GRM3: variants seen among roughly 807,000 people sequenced by gnomAD.
GRM3 encodes the protein metabotropic glutamate receptor 3.
A neutral mutation model predicts 70.5 loss-of-function variants in GRM3; 26 were observed. The ratio of observed to expected loss-of-function variants is 0.37; its 90% CI spans 0.27 to 0.51. The LOEUF is 0.51. GRM3 is among the 20% of genes least tolerant of loss of function. GRM3 has a pLI of 0.93. For missense variants in GRM3, 859 were observed against 1,123.8 expected (o/e 0.76, Z 3.37); for synonymous variants, 443 against 434.9 (o/e 1.02, Z -0.23).
At chr7:86,789,009 C>A (rs1797340244) in intron 3 of GRM3, among the ~76,000 whole-genome samples, 1 of 152,002 alleles carries the variant, frequency 6.6e-6, no homozygotes, top group Non-Finnish European at 1.5e-5. Context: ...TCTTAAAAGG[C>A]AAAGAAAAGT....
intron 1 of GRM3, among the ~76,000 whole-genome samples, chr7:86,727,035 G>T (rs780848497): frequency 2.8e-4 from 43 of 152,274 alleles, no homozygotes; most frequent in Non-Finnish European, 4.9e-4. Context: ...TACAGATTAG[G>T]AGACAATTCA....
At chr7:86,836,281 C>A (rs1416407518) in intron 3 of GRM3, among the ~76,000 whole-genome samples, 1 of 152,090 alleles carries the variant, frequency 6.6e-6, no homozygotes, top group East Asian at 1.9e-4. Flanking sequence ...AACAGTTTTT[C>A]TTCTATGAAT....
intron 1 of GRM3, among the ~76,000 whole-genome samples, chr7:86,735,176 T>G (rs527989913): frequency 1.3e-5 from 2 of 152,192 alleles, no homozygotes; most frequent in Admixed American, 6.5e-5. Context: ...ATGTGGTTAA[T>G]GATGACAGGA....
intron 1 of GRM3, among the ~76,000 whole-genome samples, chr7:86,647,387 T>C (rs545503383): frequency 8.2e-4 from 125 of 152,272 alleles, no homozygotes; most frequent in Middle Eastern, 3.4e-3. Flanking sequence ...AATTTTCCAA[T>C]TGTTTTCCTG....
At chr7:86,744,379 C>T (rs959905914) in intron 1 of GRM3, among the ~76,000 whole-genome samples, 7 of 151,510 alleles carry the variant, frequency 4.6e-5, no homozygotes, top group African/African-American at 1.5e-4. Context: ...TACTATCTTT[C>T]CCAAATATTC....
chr7:86,725,226 CA>C, intron 1 of GRM3, among the ~76,000 whole-genome samples: 1 of 152,194 alleles, frequency 6.6e-6, no homozygotes, highest in East Asian at 1.9e-4. Context: ...TTTGAGGATT[CA>C]GCAAAATAAT....
At chr7:86,689,237 A>C (rs972526751) in intron 1 of GRM3, among the ~76,000 whole-genome samples, 14 of 151,890 alleles carry the variant, frequency 9.2e-5, no homozygotes, top group Admixed American at 5.3e-4. Context: ...TAATGAATAA[A>C]TAGGAAGCTA....
chr7:86,804,617 G>T (rs1380531277), intron 3 of GRM3, among the ~76,000 whole-genome samples: 1 of 152,112 alleles, frequency 6.6e-6, no homozygotes, highest in Non-Finnish European at 1.5e-5. Context: ...CACCATGTTG[G>T]CCAGGCTGGT....
chr7:86,751,191 C>A (rs915039920), intron 1 of GRM3, among the ~76,000 whole-genome samples: 19 of 152,042 alleles, frequency 1.2e-4, no homozygotes, highest in Non-Finnish European at 2.2e-4. Flanking sequence ...TTAAGCTCTG[C>A]CATGCAGTTT....
chr7:86,659,072 G>A (rs755681543), intron 1 of GRM3, among the ~76,000 whole-genome samples: 3 of 152,208 alleles, frequency 2.0e-5, no homozygotes, highest in Middle Eastern at 3.4e-3. Context: ...TCAACATTGA[G>A]GCAGATTTTG....
chr7:86,662,740 T>C lies in GRM3; in HGVS notation c.-141+17868T>C, dbSNP rs562764287. 8.5e-5 allele frequency among the ~76,000 whole-genome samples: 13 copies of C among 152,108 alleles called. No homozygotes were observed. The South Asian group carries it at 1.0e-3, about 12-fold the overall frequency. ...AAATCAATTTCTGAAGCTATGAATT[T>C]CATATGAAACACAACCTTCTTTAGT... On this transcript the variant is annotated intron_variant, in intron 1 of 5. Coordinates refer to ENST00000361669, the MANE Select transcript of GRM3 (RefSeq NM_000840.3).
At chr7:86,726,674 C>T (rs1395825415) in intron 1 of GRM3, among the ~76,000 whole-genome samples, 4 of 152,230 alleles carry the variant, frequency 2.6e-5, no homozygotes, top group African/African-American at 9.6e-5. Context: ...ACTCATTTTC[C>T]TCATCTCAAA....
At chr7:86,779,769 G>C (rs775051348) in intron 2 of GRM3, among the ~76,000 whole-genome samples, 1 of 152,116 alleles carries the variant, frequency 6.6e-6, no homozygotes, top group African/African-American at 2.4e-5. Flanking sequence ...AAGTGGTAAA[G>C]GTCATTCTAG....
At chr7:86,814,828 T>G (rs1376320467) in intron 3 of GRM3, among the ~76,000 whole-genome samples, 1 of 151,084 alleles carries the variant, frequency 6.6e-6, no homozygotes, top group Non-Finnish European at 1.5e-5. Context: ...GCCAGTCATT[T>G]CCCAGAGTGC....
At chr7:86,862,022 G>A (rs1248424538) in intron 5 of GRM3, among the ~76,000 whole-genome samples, 1 of 152,150 alleles carries the variant, frequency 6.6e-6, no homozygotes, top group Admixed American at 6.6e-5. Flanking sequence ...GGTTTGACAT[G>A]GGGCAGGGTC....
intron 1 of GRM3, among the ~76,000 whole-genome samples, chr7:86,667,608 G>A (rs567846566): frequency 6.6e-6 from 1 of 152,266 alleles, no homozygotes; most frequent in African/African-American, 2.4e-5. Context: ...ATTCCCTGGA[G>A]TGGGGATGGA....
At chr7:86,662,016 G>A (rs577791202) in intron 1 of GRM3, among the ~76,000 whole-genome samples, 1 of 151,680 alleles carries the variant, frequency 6.6e-6, no homozygotes, top group Non-Finnish European at 1.5e-5. Flanking sequence ...AAAATGAATG[G>A]TATCAGGGTT....
chr7:86,678,564 A>T (rs549342741), intron 1 of GRM3, among the ~76,000 whole-genome samples: 1 of 152,166 alleles, frequency 6.6e-6, no homozygotes, highest in East Asian at 1.9e-4. Flanking sequence ...TCTAAGCCCA[A>T]GGGATTTATA....
chr7:86,753,035 T>C (rs1796265999), intron 1 of GRM3, among the ~76,000 whole-genome samples: 1 of 151,986 alleles, frequency 6.6e-6, no homozygotes, highest in African/African-American at 2.4e-5. Flanking sequence ...ACTAAACAAT[T>C]CAGAATTTAC....
Sources: allele counts gnomAD v4.1 joint callset (sites outside exome capture counted in the v4.1 genomes callset), GRCh38; gene constraint gnomAD v4.1.1; transcripts MANE v1.5; gene names NCBI Gene and HGNC (gene_info 2026-07-23, HGNC 2026-07-21).